Variants in NRIP1 observed in about 807,000 individuals in gnomAD.
NRIP1 encodes nuclear receptor-interacting protein 1.
A neutral mutation model predicts 75.0 loss-of-function variants in NRIP1; 28 were observed. The ratio of observed to expected loss-of-function variants is 0.37; its 90% CI spans 0.28 to 0.51. The LOEUF (loss-of-function observed/expected upper bound fraction) is 0.51, where lower values mean the gene tolerates loss of function less well. NRIP1 is among the 20% of genes least tolerant of loss of function. The probability of loss-of-function intolerance (pLI) is 0.92; values close to 1 mark genes in which losing one functional copy is unlikely to be tolerated. For missense variants in NRIP1, 1,435 were observed against 1,343.7 expected (o/e 1.07, Z -1.06); for synonymous variants, 526 against 487.6 (o/e 1.08, Z -1.04).
At chr21:14,987,738 T>C (rs1404450234) in intron 3 of NRIP1, among the ~76,000 whole-genome samples, 1 of 152,198 alleles carries the variant, frequency 6.6e-6, no homozygotes, top group Non-Finnish European at 1.5e-5. Context: ...TAAGCCATAC[T>C]CACCCTTCCT....
rs76393459 is a variant in NRIP1, at chr21:15,033,640, C to A, written c.-458+9855G>T. Among the ~76,000 whole-genome samples, 1,862 of 152,282 alleles carry A rather than the reference C, an allele frequency of 0.012. 204 individuals are homozygous for A. The East Asian group carries it at 0.26, about 21-fold the overall frequency. On this transcript the variant is annotated intron_variant, in intron 2 of 3. Coordinates refer to ENST00000318948, the MANE Select transcript of NRIP1 (RefSeq NM_003489.4). Reference sequence around the variant, plus strand: ...GGTTATTGTCAGTTATCATTATTAACTTTATTAATTAGACACTAGTAAATA... The same window carrying A: ...GGTTATTGTCAGTTATCATTATTAAATTTATTAATTAGACACTAGTAAATA...
chr21:14,968,384 G>A lies in NRIP1; in HGVS notation c.-192C>T. 1.8e-6 allele frequency: 1 copy of A among 568,486 alleles called. No homozygotes were observed. Among genetic ancestry groups the A allele is most frequent in the Non-Finnish European group, 3.2e-6 (1 of 315,806 alleles). 35.2% of individuals were successfully genotyped at this position (568,486 alleles called of 1,614,324 possible). ...ACAAGATAAATGCAGTCTGACCACA[G>A]TGCTGATCAACTTCTACGCAAGGAG... On this transcript the variant is annotated 5_prime_UTR_variant, in exon 4 of 4. Coordinates refer to ENST00000318948, the MANE Select transcript of NRIP1 (RefSeq NM_003489.4).
intron 2 of NRIP1, among the ~76,000 whole-genome samples, chr21:15,036,255 AAAGTT>A (rs1479319521): frequency 6.6e-6 from 1 of 152,220 alleles, no homozygotes; most frequent in Non-Finnish European, 1.5e-5. Flanking sequence ...GATGGCCAAT[AAAGTT>A]AACTTCCCAA....
In NRIP1 at chr21:14,963,285, A is replaced by T. The variant is rs184439433; in HGVS notation, c.*1431T>A. On this transcript the variant is annotated 3_prime_UTR_variant, in exon 4 of 4. Transcript: ENST00000318948. ...TAAAGGTTAAGGATGCATTCAGGAGAAGTTTCCAAACCATCCTGGAATCAC... is the reference window on the plus strand; with the variant it reads ...TAAAGGTTAAGGATGCATTCAGGAGTAGTTTCCAAACCATCCTGGAATCAC... 8 of 152,554 alleles carry T rather than the reference A, an allele frequency of 5.2e-5. No individual in the cohort carries two copies. In the East Asian group the frequency reaches 1.2e-3, roughly 22 times the overall value. The allele number at this position is 152,554 out of a possible 1,614,324, so 9.5% of individuals were successfully genotyped here. A position where few individuals can be genotyped will look rare whatever the true frequency, so the allele number is the denominator to read the frequency against.
chr21:15,027,357 C>T (rs1033376327), intron 2 of NRIP1, among the ~76,000 whole-genome samples: 1 of 152,130 alleles, frequency 6.6e-6, no homozygotes, highest in African/African-American at 2.4e-5. Context: ...ACTTACATAA[C>T]AGAAAACAAG....
rs1555881689 is a variant in NRIP1 at position 14,979,687 on chromosome 21, G to GC, written c.-334-11162_-334-11161insG. ...AATAAGAGGAGAAACCAGTATGTTT[G>GC]TTTTTTTTAATAGCGACGGGGTTTT... On this transcript the variant is annotated intron_variant, in intron 3 of 3. Coordinates refer to ENST00000318948, the MANE Select transcript of NRIP1 (RefSeq NM_003489.4). 5.3e-5 allele frequency among the ~76,000 whole-genome samples: 8 copies of GC among 151,638 alleles called. No homozygotes were observed. The East Asian group carries it at 1.6e-3, about 29-fold the overall frequency.
intron 2 of NRIP1, among the ~76,000 whole-genome samples, chr21:15,033,138 T>C (rs1471224903): frequency 2.0e-5 from 3 of 147,356 alleles, no homozygotes; most frequent in Non-Finnish European, 4.4e-5. Flanking sequence ...GGCAGGAGAA[T>C]GGCGTGAACC....
intron 2 of NRIP1, among the ~76,000 whole-genome samples, chr21:15,021,532 TTGCAG>T (rs1342841769): frequency 6.6e-6 from 1 of 152,242 alleles, no homozygotes; most frequent in African/African-American, 2.4e-5. Context: ...AACTGAACAC[TTGCAG>T]TGGATGAATT....
At chr21:15,038,552 TTATACC>T (rs1315501431) in intron 2 of NRIP1, among the ~76,000 whole-genome samples, 4 of 152,054 alleles carry the variant, frequency 2.6e-5, no homozygotes, top group Non-Finnish European at 4.4e-5. Flanking sequence ...AAACACATAT[TTATACC>T]TATAAGAAAA....
At chr21:14,986,011 AT>A (rs918994242) in intron 3 of NRIP1, among the ~76,000 whole-genome samples, 13 of 152,196 alleles carry the variant, frequency 8.5e-5, no homozygotes, top group Admixed American at 3.9e-4. Context: ...TTATTTATTT[AT>A]TTTTTTACAG....
chr21:15,060,225 G>GA, intron 1 of NRIP1, among the ~76,000 whole-genome samples: 1 of 151,998 alleles, frequency 6.6e-6, no homozygotes, highest in East Asian at 1.9e-4. Flanking sequence ...AAAACAAAAG[G>GA]AAAGTTCTGT....
At position 14,963,484 on chromosome 21, in the gene NRIP1, C is replaced by A. The variant is rs1306802975; in HGVS notation, c.*1232G>T. ...GTGTTCTGAACCCGATTTCCAAAGA[C>A]ATAACGGTAATATATGAACTACAAT... On this transcript the variant is annotated 3_prime_UTR_variant, in exon 4 of 4. Coordinates refer to ENST00000318948, the MANE Select transcript of NRIP1 (RefSeq NM_003489.4). 6.6e-6 allele frequency: 1 copy of A among 152,506 alleles called. No individual in the cohort carries two copies. The highest frequency in any genetic ancestry group is 1.5e-5 in the Non-Finnish European group (1 of 67,994). The allele number at this position is 152,506 out of a possible 1,614,324, so 9.4% of individuals were successfully genotyped here.
chr21:15,008,784 T>C (rs1007809763), intron 3 of NRIP1, among the ~76,000 whole-genome samples: 6 of 152,212 alleles, frequency 3.9e-5, no homozygotes, highest in African/African-American at 1.4e-4. Context: ...GGGGTGGCCA[T>C]GACCCATTCA....
In NRIP1 at chr21:14,964,414, T is replaced by C. The variant is rs993083026; in HGVS notation, c.*302A>G. The C allele has an allele frequency of 4.5e-6, 1 of 219,838 alleles. No homozygotes were observed. Among genetic ancestry groups the C allele is most frequent in the Non-Finnish European group, 8.9e-6 (1 of 112,340 alleles). 13.6% of individuals were successfully genotyped at this position (219,838 alleles called of 1,614,324 possible). A position where few individuals can be genotyped will look rare whatever the true frequency, so the allele number is the denominator to read the frequency against. ...CATTAATCCACTATGAATGGAGTTT[T>C]ACATTTTAATTTATGCCTAATATTT... On this transcript the variant is annotated 3_prime_UTR_variant, in exon 4 of 4. Transcript: ENST00000318948.
chr21:15,042,128 T>C lies in NRIP1; in HGVS notation c.-458+1367A>G, dbSNP rs181590485. Among the ~76,000 whole-genome samples the C allele has an allele frequency of 9.3e-4, 141 of 152,298 alleles. 1 individual carries two copies. Among genetic ancestry groups the C allele is most frequent in the African/African-American group, 3.3e-3 (137 of 41,558 alleles). On this transcript the variant is annotated intron_variant, in intron 2 of 3. Coordinates refer to ENST00000318948, the MANE Select transcript of NRIP1 (RefSeq NM_003489.4). ...CACTGCTTGACAGTGATTAAGAAAA[T>C]CGGTAAAAACCAATTTTTGTATTAT...
At chr21:14,980,801 T>C (rs749006649) in intron 3 of NRIP1, among the ~76,000 whole-genome samples, 5 of 152,212 alleles carry the variant, frequency 3.3e-5, no homozygotes, top group Non-Finnish European at 5.9e-5. Flanking sequence ...TGGTTTTTCA[T>C]ATTTTTGATA....
In NRIP1 at chr21:14,966,094, C is replaced by A; in HGVS notation, c.2099G>T (p.Gly700Val). The stretch of plus-strand genomic sequence containing the variant: ...TTCAAGCAGATTTTCTATTTCAGAA[C>A]CAGAAAGCCCTGGTTCAGGACCTGT... ...QPTGPEPGLS[G>V]SEIENLLERR... Residue 700 changes from glycine (G) to valine (V), a missense_variant, in exon 4 of 4, where the codon GGT becomes GTT. Gly to Val is a moderately radical substitution (Grantham distance 109, BLOSUM62 -3). Transcript: ENST00000318948. The A allele has an allele frequency of 6.2e-7, 1 of 1,612,206 alleles. No individual in the cohort carries two copies. Among genetic ancestry groups the A allele is most frequent in the Non-Finnish European group, 8.5e-7 (1 of 1,179,958 alleles).
chr21:15,050,872 C>G (rs1209593381), intron 1 of NRIP1: 3 of 455,916 alleles, frequency 6.6e-6, no homozygotes, highest in Non-Finnish European at 1.3e-5. Context: ...GCAATATTCC[C>G]CTGCCTGGTA....
intron 1 of NRIP1, chr21:15,051,773 A>C (rs1369872820): frequency 6.6e-6 from 1 of 152,250 alleles, no homozygotes; most frequent in African/African-American, 2.4e-5. Context: ...TTTAACCTCT[A>C]AAACAGATGG....
Sources: allele counts gnomAD v4.1 joint callset (sites outside exome capture counted in the v4.1 genomes callset), GRCh38; gene constraint gnomAD v4.1.1; transcripts MANE v1.5; gene names NCBI Gene and HGNC (gene_info 2026-07-23, HGNC 2026-07-21).